TERF2: variants seen among roughly 807,000 people sequenced by gnomAD.
TERF2 encodes the protein telomeric repeat binding factor 2, also known as telomeric repeat-binding factor 2.
TERF2 carries 16 observed loss-of-function variants against 56.1 expected under a neutral mutation model. That is an observed-to-expected ratio of 0.29 (90% confidence interval 0.19 to 0.43). The LOEUF is 0.43. TERF2 is among the 20% of genes least tolerant of loss of function. The probability of loss-of-function intolerance (pLI) is 1.00; values close to 1 mark genes in which losing one functional copy is unlikely to be tolerated. For synonymous variants in TERF2, 296 were observed against 282.1 expected, an observed-to-expected ratio of 1.05 and a Z score of -0.50; for missense variants, 547 against 712.9, an observed-to-expected ratio of 0.77 and a Z score of 2.65.
At chr16:69,363,199 G>C (rs530023302) in intron 7 of TERF2, among the ~76,000 whole-genome samples, 1 of 152,228 alleles carries the variant, frequency 6.6e-6, no homozygotes, top group South Asian at 2.1e-4. Flanking sequence ...AATCAGATGG[G>C]GTTATAGTTT....
chr16:69,385,003 G>A (rs2014137183), intron 2 of TERF2, among the ~76,000 whole-genome samples: 1 of 152,098 alleles, frequency 6.6e-6, no homozygotes, highest in African/African-American at 2.4e-5. Context: ...TCAGATACGA[G>A]TGGCAAGAAA....
intron 6 of TERF2, among the ~76,000 whole-genome samples, 159 bp downstream of exon 6, chr16:69,368,217 C>A (rs1567447888): frequency 6.6e-6 from 1 of 152,196 alleles, no homozygotes. Flanking sequence ...TCCTTATCTT[C>A]CCAGGGTGTG....
chr16:69,364,006 A>G (rs1159153771), intron 7 of TERF2, among the ~76,000 whole-genome samples: 1 of 152,148 alleles, frequency 6.6e-6, no homozygotes, highest in Non-Finnish European at 1.5e-5. Flanking sequence ...AAGAAAAAAC[A>G]AGAAAAGAAT....
At chr16:69,373,302 A>G (rs2013645672) in intron 3 of TERF2, among the ~76,000 whole-genome samples, 1 of 152,188 alleles carries the variant, frequency 6.6e-6, no homozygotes, top group Non-Finnish European at 1.5e-5. Flanking sequence ...CCAGCCACAG[A>G]GAGAAAGTAG....
chr16:69,385,920 G>A lies in TERF2; in HGVS notation c.52C>T (p.Arg18Cys). Residue 18 changes from arginine to cysteine, a missense_variant, in exon 1 of 10, where the codon CGT becomes TGT. Arg to Cys is a radical substitution (Grantham distance 180). Around this residue, in one of 6 missense-constraint regions of TERF2, gnomAD observed 85 missense variants for 59.5 expected, o/e 1.43. Coordinates refer to ENST00000254942, the MANE Select transcript of TERF2 (RefSeq NM_005652.5). ...CTCGGCTGTGACGCCGCTGGGTCAC[G>A]CACGACGCCCGGGCCGGAAGCGGGG... The part of the protein sequence containing the change: ...AGPASGPGVV[R>C]DPAASQPRKR... The A allele has an allele frequency of 7.2e-7, 1 of 1,385,258 alleles. No individual in the cohort carries two copies. The highest frequency in any genetic ancestry group is 9.4e-7 in the Non-Finnish European group (1 of 1,068,436). The allele number at this position is 1,385,258 out of a possible 1,614,324, so 85.8% of individuals were successfully genotyped here. A position where few individuals can be genotyped will look rare whatever the true frequency, so the allele number is the denominator to read the frequency against.
At chr16:69,368,831 C>T (rs2013452722) in intron 5 of TERF2, among the ~76,000 whole-genome samples, 1 of 152,074 alleles carries the variant, frequency 6.6e-6, no homozygotes, top group Non-Finnish European at 1.5e-5. Flanking sequence ...CGCCCACCAC[C>T]ATGTCCAGTT....
intron 3 of TERF2, among the ~76,000 whole-genome samples, chr16:69,384,139 A>G (rs2014101204): frequency 6.6e-6 from 1 of 152,172 alleles, no homozygotes; most frequent in Admixed American, 6.5e-5. Flanking sequence ...ATTCTAATCT[A>G]TCTGTTCAAA....
intron 3 of TERF2, among the ~76,000 whole-genome samples, chr16:69,375,422 G>C (rs1241553512): frequency 6.6e-6 from 1 of 152,132 alleles, no homozygotes; most frequent in African/African-American, 2.4e-5. Context: ...AAATAGGCTA[G>C]GTGTGGTGGC....
intron 5 of TERF2, among the ~76,000 whole-genome samples, chr16:69,369,006 G>A (rs1393021658): frequency 6.7e-6 from 1 of 149,408 alleles, no homozygotes; most frequent in East Asian, 1.9e-4. Context: ...CTTCCAGTTT[G>A]TGTATAGAAT....
chr16:69,360,097 T>C (rs1022766655), intron 8 of TERF2, among the ~76,000 whole-genome samples: 2 of 151,746 alleles, frequency 1.3e-5, no homozygotes, highest in African/African-American at 2.4e-5. Context: ...TTTATAGAAG[T>C]ACAATTTGGG....
intron 6 of TERF2, 140 bp downstream of exon 6, chr16:69,368,236 C>A (rs913476598): frequency 1.2e-5 from 9 of 732,606 alleles, no homozygotes; most frequent in Admixed American, 2.6e-5. Context: ...TGCAGTCTCC[C>A]CCAGTGCCTT....
chr16:69,367,315 T>A, intron 6 of TERF2, 116 bp from the exon 7 acceptor site: 1 of 1,075,472 alleles, frequency 9.3e-7, no homozygotes, highest in Non-Finnish European at 1.3e-6. Context: ...GCTTTAAATG[T>A]GATATGTAAG....
intron 3 of TERF2, among the ~76,000 whole-genome samples, chr16:69,380,008 G>C (rs1032884390): frequency 6.6e-6 from 1 of 151,948 alleles, no homozygotes; most frequent in Non-Finnish European, 1.5e-5. Flanking sequence ...TCGCCTCCTG[G>C]GTTCAAGCGA....
At chr16:69,363,433 C>T (rs1283270174) in intron 7 of TERF2, among the ~76,000 whole-genome samples, 1 of 152,188 alleles carries the variant, frequency 6.6e-6, no homozygotes, top group Non-Finnish European at 1.5e-5. Flanking sequence ...TGTTCACTGC[C>T]TCTCCTGACT....
At chr16:69,359,492 C>T (rs2013045809) in intron 8 of TERF2, among the ~76,000 whole-genome samples, 1 of 148,332 alleles carries the variant, frequency 6.7e-6, no homozygotes, top group East Asian at 2.0e-4. Flanking sequence ...CGCGCCACTG[C>T]ACCCCAGCCT....
chr16:69,361,536 G>T, intron 7 of TERF2, 47 bp from the exon 8 acceptor site: 1 of 1,330,704 alleles, frequency 7.5e-7, no homozygotes, highest in Non-Finnish European at 1.1e-6. Context: ...AATTCACCCT[G>T]GATTGTCCCA....
At chr16:69,369,016 T>C (rs756873003) in intron 5 of TERF2, among the ~76,000 whole-genome samples, 1 of 135,774 alleles carries the variant, frequency 7.4e-6, no homozygotes, top group Non-Finnish European at 1.6e-5. Flanking sequence ...GTGTATAGAA[T>C]TTTTATAACT....
chr16:69,359,782 G>A (rs1291615369), intron 8 of TERF2, among the ~76,000 whole-genome samples: 2 of 150,460 alleles, frequency 1.3e-5, no homozygotes, highest in African/African-American at 2.4e-5. Flanking sequence ...CACCACACCC[G>A]GCTAATTTCT....
At position 69,385,417 on chromosome 16, in the gene TERF2, G is replaced by A; in HGVS notation, c.449C>T (p.Ser150Leu). 1 of 1,614,034 alleles carries A rather than the reference G, an allele frequency of 6.2e-7. No individual in the cohort carries two copies. Among genetic ancestry groups the A allele is most frequent in the Non-Finnish European group, 8.5e-7 (1 of 1,179,994 alleles). The change falls in exon 2 of 10, where the codon TCG becomes TTG. Residue 150 changes from serine to leucine, a missense_variant. Physicochemically the swap from Ser to Leu is moderately radical, Grantham distance 145. Coordinates refer to ENST00000254942, the MANE Select transcript of TERF2 (RefSeq NM_005652.5). ...TAAATTTTCCCCTTCTTCAATCCGC[G>A]ACAGACACTGCATAACCCGCAGCAA... ...SRLLRVMQCL[S>L]RIEEGENLDC...
Sources: gnomAD v4.1 joint callset for allele counts (sites outside exome capture counted in the v4.1 genomes callset) on GRCh38, gnomAD v4.1.1 for gene constraint, gnomAD v4.1.1 regional missense constraint, MANE v1.5 for transcripts, NCBI Gene and HGNC (gene_info 2026-07-23, HGNC 2026-07-21) for gene names.